ARF4: variants seen among roughly 807,000 people sequenced by gnomAD.
ARF4 encodes the protein ADP-ribosylation factor 4.
ARF4 carries 5 observed loss-of-function variants against 24.3 expected under a neutral mutation model. That is an observed-to-expected ratio of 0.21 (90% confidence interval 0.11 to 0.43). The LOEUF (loss-of-function observed/expected upper bound fraction) is 0.43, where lower values mean the gene tolerates loss of function less well. Ranked by LOEUF, ARF4 falls within the 20% of genes least tolerant of loss-of-function variation. The pLI, the probability that ARF4 is intolerant of heterozygous loss-of-function variation, is 1.00. For synonymous variants in ARF4, 62 were observed against 73.5 expected, an observed-to-expected ratio of 0.84 and a Z score of 0.80; for missense variants, 107 against 213.0, an observed-to-expected ratio of 0.50 and a Z score of 3.10.
intron 1 of ARF4, among the ~76,000 whole-genome samples, chr3:57,588,385 C>T (rs181832273): frequency 2.0e-5 from 3 of 151,872 alleles, no homozygotes; most frequent in Admixed American, 6.6e-5. Context: ...GTCAACATAG[C>T]GAGATCCATC....
At chr3:57,586,253 G>A (rs1377697191) in intron 1 of ARF4, among the ~76,000 whole-genome samples, 4 of 151,754 alleles carry the variant, frequency 2.6e-5, no homozygotes, top group South Asian at 2.1e-4. Context: ...TTTTTGTATC[G>A]ATTCAATCAA....
At chr3:57,595,662 C>T (rs2070171845) in intron 1 of ARF4, among the ~76,000 whole-genome samples, 1 of 152,072 alleles carries the variant, frequency 6.6e-6, no homozygotes, top group Non-Finnish European at 1.5e-5. Flanking sequence ...TAAAATAAAA[C>T]CTCCGGCCGG....
intron 5 of ARF4, among the ~76,000 whole-genome samples, 154 bp downstream of exon 5, chr3:57,575,394 G>A (rs969562807): frequency 1.3e-5 from 2 of 151,300 alleles, no homozygotes; most frequent in Non-Finnish European, 2.9e-5. Flanking sequence ...AATCAAATAA[G>A]GTATTTAAAG....
chr3:57,590,907 A>T (rs374384744), intron 1 of ARF4, among the ~76,000 whole-genome samples: 1 of 152,212 alleles, frequency 6.6e-6, no homozygotes, highest in African/African-American at 2.4e-5. Flanking sequence ...GCTGCGTAAT[A>T]GTTTAAAATA....
chr3:57,584,406 T>C lies in ARF4; in HGVS notation c.126A>G (p.Ile42Met), dbSNP rs779606925. The part of the protein sequence containing the change: ...TILYKLKLGE[I>M]VTTIPTIGFN... The stretch of plus-strand genomic sequence containing the variant: ...TACCAATGGTAGGAATGGTGGTGAC[T>C]ATCTCCCCTAACTTCAGTTTATACA... Residue 42 changes from isoleucine (I) to methionine (M), a missense_variant, in exon 2 of 6, where the codon ATA becomes ATG. Ile to Met is a conservative substitution (Grantham distance 10). Coordinates refer to ENST00000303436, the MANE Select transcript of ARF4 (RefSeq NM_001660.4). 1.2e-6 allele frequency: 2 copies of C among 1,612,950 alleles called. No homozygotes were observed. Among genetic ancestry groups the C allele is most frequent in the Admixed American group, 1.7e-5 (1 of 59,978 alleles).
chr3:57,594,373 C>G (rs145490528), intron 1 of ARF4, among the ~76,000 whole-genome samples: 5 of 152,176 alleles, frequency 3.3e-5, no homozygotes, highest in Non-Finnish European at 7.3e-5. Flanking sequence ...TAGGCGTGAG[C>G]CACCACACCT....
chr3:57,594,324 G>A (rs2070154847), intron 1 of ARF4, among the ~76,000 whole-genome samples: 1 of 152,130 alleles, frequency 6.6e-6, no homozygotes, highest in African/African-American at 2.4e-5. Flanking sequence ...TGGCCTCAAT[G>A]TGATCCTCCC....
At chr3:57,577,503 AAAG>A (rs929523367) in intron 3 of ARF4, 116 bp from the exon 4 acceptor site, 5 of 789,618 alleles carry the variant, frequency 6.3e-6, no homozygotes, top group Non-Finnish European at 1.1e-5. Flanking sequence ...TGTCTCTTTA[AAAG>A]TAAGAACTTA....
intron 5 of ARF4, among the ~76,000 whole-genome samples, chr3:57,573,201 C>CAAAAA (rs35901487): frequency 8.0e-6 from 1 of 125,768 alleles, no homozygotes. Flanking sequence ...GACTCCATCT[C>CAAAAA]AAAAAAAAAA....
chr3:57,571,810 T>C lies in ARF4; in HGVS notation c.*402A>G, dbSNP rs2069845861. The C allele has an allele frequency of 5.9e-6, 1 of 169,316 alleles. No individual in the cohort carries two copies. 10.5% of individuals were successfully genotyped at this position (169,316 alleles called of 1,614,324 possible). A position where few individuals can be genotyped will look rare whatever the true frequency, so the allele number is the denominator to read the frequency against. ...GGCAAGGGAGAGAAATAAATACAAA[T>C]GGAATGCTACATTTTTAAATTAGCA... On this transcript the variant is annotated 3_prime_UTR_variant, in exon 6 of 6. Coordinates refer to ENST00000303436, the MANE Select transcript of ARF4 (RefSeq NM_001660.4).
chr3:57,588,508 G>A (rs1191773618), intron 1 of ARF4, among the ~76,000 whole-genome samples: 1 of 151,922 alleles, frequency 6.6e-6, no homozygotes, highest in Non-Finnish European at 1.5e-5. Context: ...AGGAGTTTGT[G>A]ACCAGCCTGG....
intron 3 of ARF4, among the ~76,000 whole-genome samples, chr3:57,580,071 C>G (rs1355037955): frequency 6.6e-6 from 1 of 152,118 alleles, no homozygotes; most frequent in African/African-American, 2.4e-5. Context: ...TGCCACTGCA[C>G]TCTAGCCTGG....
chr3:57,574,023 C>A (rs957243444), intron 5 of ARF4, among the ~76,000 whole-genome samples: 1 of 152,040 alleles, frequency 6.6e-6, no homozygotes, highest in Non-Finnish European at 1.5e-5. Context: ...CTCACTGCAA[C>A]CTCTGCTGCC....
At chr3:57,575,808 T>G in intron 4 of ARF4, 135 bp from the exon 5 acceptor site, 7 of 985,720 alleles carry the variant, frequency 7.1e-6, no homozygotes, top group Non-Finnish European at 9.9e-6. Context: ...AAGTTCACTC[T>G]TACAACTGAA....
chr3:57,591,948 G>A (rs771358180), intron 1 of ARF4, among the ~76,000 whole-genome samples: 48 of 152,236 alleles, frequency 3.2e-4, no homozygotes, highest in Non-Finnish European at 6.5e-4. Flanking sequence ...TTCTTTGAGG[G>A]ATGATGAAAA....
Position 57,571,871 on chromosome 3 carries a change from A to G in ARF4, c.*341T>C. On this transcript the variant is annotated 3_prime_UTR_variant, in exon 6 of 6. Coordinates refer to ENST00000303436, the MANE Select transcript of ARF4 (RefSeq NM_001660.4). Reference sequence around the variant, plus strand: ...GGAATGATAAAGGTATCAGTAAAGTAGCAAGGGGATAACTTTAAAACATTA... The same window carrying G: ...GGAATGATAAAGGTATCAGTAAAGTGGCAAGGGGATAACTTTAAAACATTA... The G allele has an allele frequency of 5.0e-6, 1 of 200,052 alleles. No homozygotes were observed. The allele number at this position is 200,052 out of a possible 1,614,324, so 12.4% of individuals were successfully genotyped here. A position where few individuals can be genotyped will look rare whatever the true frequency, so the allele number is the denominator to read the frequency against.
At chr3:57,595,860 A>T (rs1412764926) in intron 1 of ARF4, among the ~76,000 whole-genome samples, 1 of 152,044 alleles carries the variant, frequency 6.6e-6, no homozygotes, top group Non-Finnish European at 1.5e-5. Context: ...CTGAGGCAGG[A>T]GAATCTCTTG....
At chr3:57,596,438 C>T (rs1000178729) in intron 1 of ARF4, among the ~76,000 whole-genome samples, 1 of 152,108 alleles carries the variant, frequency 6.6e-6, no homozygotes, top group Non-Finnish European at 1.5e-5. Context: ...GCTCAGTTTT[C>T]GGAGAATGAG....
Position 57,597,191 on chromosome 3 carries a change from C to T in ARF4, c.-51G>A, listed in dbSNP as rs777279984. On this transcript the variant is annotated 5_prime_UTR_variant, in exon 1 of 6. Coordinates refer to ENST00000303436, the MANE Select transcript of ARF4 (RefSeq NM_001660.4). ...AGAAGCAGAAGGGGTTTGGGGCGAC[C>T]CCGTGCTTTCTCCTTTCAAGCTCCC... 23 of 1,546,570 alleles carry T rather than the reference C, an allele frequency of 1.5e-5. No homozygotes were observed. In the Middle Eastern group the frequency reaches 1.5e-3, roughly 102 times the overall value.
Sources: allele counts gnomAD v4.1 joint callset (sites outside exome capture counted in the v4.1 genomes callset), GRCh38; gene constraint gnomAD v4.1.1; transcripts MANE v1.5; gene names NCBI Gene and HGNC (gene_info 2026-07-23, HGNC 2026-07-21).